Variants in SERPINB9 observed in about 807,000 individuals in gnomAD.
SERPINB9 encodes serpin family B member 9.
A neutral mutation model predicts 27.2 loss-of-function variants in SERPINB9; 20 were observed. That is an observed-to-expected ratio of 0.74 (90% confidence interval 0.52 to 1.07). The LOEUF (loss-of-function observed/expected upper bound fraction) is 1.07, where lower values mean the gene tolerates loss of function less well. SERPINB9 is among the 50% of genes least tolerant of loss of function. The pLI is 0.00. For missense variants in SERPINB9, 476 were observed against 460.1 expected (o/e 1.03, Z -0.32); for synonymous variants, 189 against 180.0 (o/e 1.05, Z -0.40).
Position 2,891,354 on chromosome 6 carries a change from C to T in SERPINB9, c.723+479G>A, listed in dbSNP as rs1014811287. On this transcript the variant is annotated intron_variant, in intron 6 of 6. Coordinates refer to ENST00000380698, the MANE Select transcript of SERPINB9 (RefSeq NM_004155.6). This position sits in a 1 kb window ranked among gnomAD's most constrained non-coding sequence, Gnocchi z 4.0. ...ATTTCAGGTTCCTAGACTTTAAAAG[C>T]ATAATGCTAAGAATGATGATTGTAA... Among the ~76,000 whole-genome samples the T allele has an allele frequency of 3.9e-5, 6 of 152,160 alleles. No individual in the cohort carries two copies. Among genetic ancestry groups the T allele is most frequent in the African/African-American group, 1.2e-4 (5 of 41,422 alleles).
Position 2,891,940 on chromosome 6 carries a change from G to C in SERPINB9, c.616C>G (p.Leu206Val). The C allele has an allele frequency of 6.2e-7, 1 of 1,613,376 alleles. No homozygotes were observed. The change falls in exon 6 of 7, where the codon CTC becomes GTC. Residue 206 changes from leucine to valine, a missense_variant. Transcript: ENST00000380698. The surrounding 1 kb of genome is among the most constrained non-coding windows in gnomAD (Gnocchi z 4.0). ...QMMYQEATFK[L>V]AHVGEVRAQL... ...GCGCGCACCTCGCCCACGTGGGCGA[G>C]CTTAAACGTGGCCTCCTGATACATC...
chr6:2,891,756 A>G lies in SERPINB9; in HGVS notation c.723+77T>C. 3 of 1,487,154 alleles carry G rather than the reference A, an allele frequency of 2.0e-6. No individual in the cohort carries two copies. The highest frequency in any genetic ancestry group is 2.7e-6 in the Non-Finnish European group (3 of 1,115,738). The allele number at this position is 1,487,154 out of a possible 1,614,324, so 92.1% of individuals were successfully genotyped here. A position where few individuals can be genotyped will look rare whatever the true frequency, so the allele number is the denominator to read the frequency against. On this transcript the variant is annotated intron_variant, in intron 6 of 6. Transcript: ENST00000380698. The surrounding 1 kb of genome is among the most constrained non-coding windows in gnomAD (Gnocchi z 4.0). The stretch of plus-strand genomic sequence containing the variant: ...TGCCGCATCGCCAACTCAGAAGGTG[A>G]ATATGAGAGGTGGAAGTGGCACTCG...
In SERPINB9 at chr6:2,891,321, C is replaced by T. The variant is rs74723929; in HGVS notation, c.723+512G>A. Among the ~76,000 whole-genome samples the T allele has an allele frequency of 3.5e-3, 537 of 152,314 alleles. 12 individuals carry two copies. Among genetic ancestry groups the T allele is most frequent in the Admixed American group, 0.032 (491 of 15,292 alleles). ...TGTTAGGTCAAAGTTAAGACTTCCT[C>T]ATTCTCTATTTCAGGTTCCTAGACT... On this transcript the variant is annotated intron_variant, in intron 6 of 6. Transcript: ENST00000380698. This position sits in a 1 kb window ranked among gnomAD's most constrained non-coding sequence, Gnocchi z 4.0.
chr6:2,896,044 T>C lies in SERPINB9; in HGVS notation c.306+9A>G. 1 of 1,610,662 alleles carries C rather than the reference T, an allele frequency of 6.2e-7. No homozygotes were observed. On this transcript the variant is annotated intron_variant, in intron 3 of 6. Transcript: ENST00000380698. The stretch of plus-strand genomic sequence containing the variant: ...ATGCAACTTTTATTGTTCTATTGAT[T>C]CAACTTACTGAGAGGAACTGACAAG...
intron 1 of SERPINB9, among the ~76,000 whole-genome samples, chr6:2,902,012 G>C (rs937476558): frequency 6.6e-6 from 1 of 152,036 alleles, no homozygotes; most frequent in Non-Finnish European, 1.5e-5. Context: ...AATCTCCCAG[G>C]GGCCCTTAGG....
intron 1 of SERPINB9, among the ~76,000 whole-genome samples, chr6:2,900,828 G>A (rs2113618264): frequency 6.6e-6 from 1 of 151,450 alleles, no homozygotes; most frequent in East Asian, 2.0e-4. Context: ...TGTGGTGATG[G>A]CAGCAGCTCA....
At position 2,891,059 on chromosome 6, in the gene SERPINB9, T is replaced by C. The variant is rs967078632; in HGVS notation, c.724-489A>G. ...TTATCTGCCCCAGAGAGATTCTGCA[T>C]AGTTTCCGGAGCATAGTTTCAGGAA... On this transcript the variant is annotated intron_variant, in intron 6 of 6. Transcript: ENST00000380698. The surrounding 1 kb of genome is among the most constrained non-coding windows in gnomAD (Gnocchi z 4.0). Among the ~76,000 whole-genome samples, 1 of 152,186 alleles carries C rather than the reference T, an allele frequency of 6.6e-6. No individual in the cohort carries two copies. Among genetic ancestry groups the C allele is most frequent in the South Asian group, 2.1e-4 (1 of 4,826 alleles).
rs1461668534 is a variant in SERPINB9, at chr6:2,890,477, T to C, written c.817A>G (p.Lys273Glu). 1 of 1,614,158 alleles carries C rather than the reference T, an allele frequency of 6.2e-7. No individual in the cohort carries two copies. Among genetic ancestry groups the C allele is most frequent in the Admixed American group, 1.7e-5 (1 of 60,022 alleles). ...TCCATGTCATAATCCTCTTGTAGTT[T>C]AAATTTTGGAAGGAGAACTTCAACC... The part of the protein sequence containing the change: ...TEVEVLLPKF[K>E]LQEDYDMESV... Residue 273 changes from lysine to glutamate, a missense_variant, in exon 7 of 7, where the codon AAA (lysine) becomes GAA (glutamate). Transcript: ENST00000380698. The surrounding 1 kb of genome is among the most constrained non-coding windows in gnomAD (Gnocchi z 6.2).
At position 2,893,519 on chromosome 6, in the gene SERPINB9, A is replaced by G; in HGVS notation, c.459T>C (p.Ile153=). The G allele has an allele frequency of 6.2e-7, 1 of 1,612,904 alleles. No individual in the cohort carries two copies. The highest frequency in any genetic ancestry group is 8.5e-7 in the Non-Finnish European group (1 of 1,179,322). ...CAAGAACCAGCCTGGTTTCTGCATC[A>G]ATTGAGCTACCCGGCAACAACTCTT... ...KIEELLPGSS[I]DAETRLVLVN... Residue 153 remains isoleucine, a synonymous_variant, in exon 5 of 7, where the codon ATT becomes ATC. Coordinates refer to ENST00000380698, the MANE Select transcript of SERPINB9 (RefSeq NM_004155.6).
intron 1 of SERPINB9, among the ~76,000 whole-genome samples, chr6:2,902,264 A>G (rs959024623): frequency 3.3e-5 from 5 of 152,070 alleles, no homozygotes; most frequent in African/African-American, 1.2e-4. Flanking sequence ...ACCCTGGAGG[A>G]GGTTCTCTTG....
In SERPINB9 at chr6:2,894,700, G is replaced by A. The variant is rs1459897739; in HGVS notation, c.424+691C>T. On this transcript the variant is annotated intron_variant, in intron 4 of 6. Coordinates refer to ENST00000380698, the MANE Select transcript of SERPINB9 (RefSeq NM_004155.6). This position sits in a 1 kb window ranked among gnomAD's most constrained non-coding sequence, Gnocchi z 4.7. Reference sequence around the variant, plus strand: ...ATGTGAATGTTACAGGCCAGGGAGAGTATATTTTAATGCAAGTTATTAAAC... The same window carrying A: ...ATGTGAATGTTACAGGCCAGGGAGAATATATTTTAATGCAAGTTATTAAAC... 6.6e-6 allele frequency among the ~76,000 whole-genome samples: 1 copy of A among 152,204 alleles called. No homozygotes were observed. Among genetic ancestry groups the A allele is most frequent in the African/African-American group, 2.4e-5 (1 of 41,452 alleles).
Position 2,891,863 on chromosome 6 carries a change from C to G in SERPINB9, c.693G>C (p.Leu231=). The change falls in exon 6 of 7, where the codon CTG becomes CTC. Residue 231 remains leucine, a synonymous_variant. Coordinates refer to ENST00000380698, the MANE Select transcript of SERPINB9 (RefSeq NM_004155.6). This position sits in a 1 kb window ranked among gnomAD's most constrained non-coding sequence, Gnocchi z 4.0. ...TGAGCTCCACGCCGTCGTCAGGCAG[C>G]AGCACCAGCAGGCTCAGCTCCTTCC... ...YARKELSLLV[L]LPDDGVELST... 6.2e-7 allele frequency: 1 copy of G among 1,609,506 alleles called. No homozygotes were observed. Among genetic ancestry groups the G allele is most frequent in the Non-Finnish European group, 8.5e-7 (1 of 1,179,284 alleles).
rs1323485422 is a variant in SERPINB9 at position 2,887,285 on chromosome 6, A to T, written c.*2878T>A. ...CTAGATTTGATTATAGAGGAAAACA[A>T]AACACTGTTTATTAATGAAACATCA... On this transcript the variant is annotated 3_prime_UTR_variant, in exon 7 of 7. Transcript: ENST00000380698. The T allele has an allele frequency of 1.4e-5, 2 of 145,188 alleles. No individual in the cohort carries two copies. Among genetic ancestry groups the T allele is most frequent in the African/African-American group, 2.5e-5 (1 of 40,796 alleles). The allele number at this position is 145,188 out of a possible 1,614,324, so 9.0% of individuals were successfully genotyped here.
chr6:2,901,052 A>G (rs1489139835), intron 1 of SERPINB9, among the ~76,000 whole-genome samples: 1 of 152,224 alleles, frequency 6.6e-6, no homozygotes, highest in Non-Finnish European at 1.5e-5. Context: ...GAGATTTTCA[A>G]CTGGGCACCA....
rs778105480 is a variant in SERPINB9 at position 2,900,616 on chromosome 6, C to T, written c.-5G>A. 1.2e-6 allele frequency: 2 copies of T among 1,613,560 alleles called. No individual in the cohort carries two copies. The highest frequency in any genetic ancestry group is 1.7e-6 in the Non-Finnish European group (2 of 1,179,616). On this transcript the variant is annotated 5_prime_UTR_variant, in exon 2 of 7. Coordinates refer to ENST00000380698, the MANE Select transcript of SERPINB9 (RefSeq NM_004155.6). ...TGCATTAGAAAGAGTTTCCATGATG[C>T]AGGGCCTGGAAGGGAAGAATAAAGA...
At chr6:2,893,804 A>G (rs893599028) in intron 4 of SERPINB9, among the ~76,000 whole-genome samples, 5 of 152,164 alleles carry the variant, frequency 3.3e-5, no homozygotes, top group Admixed American at 6.5e-5. Flanking sequence ...TACAAAGTAG[A>G]AAAATTACAC....
intron 1 of SERPINB9, 105 bp from the exon 2 acceptor site, chr6:2,900,726 A>G (rs1768169673): frequency 9.7e-7 from 1 of 1,029,284 alleles, no homozygotes; most frequent in South Asian, 1.6e-5. Flanking sequence ...TTTTCTTCTT[A>G]AAGTTCGTAA....
In SERPINB9 at chr6:2,894,132, T is replaced by C. The variant is rs1224818894; in HGVS notation, c.425-579A>G. Among the ~76,000 whole-genome samples the C allele has an allele frequency of 2.0e-5, 3 of 152,058 alleles. No individual in the cohort carries two copies. The highest frequency in any genetic ancestry group is 4.8e-5 in the African/African-American group (2 of 41,394). On this transcript the variant is annotated intron_variant, in intron 4 of 6. Coordinates refer to ENST00000380698, the MANE Select transcript of SERPINB9 (RefSeq NM_004155.6). The surrounding 1 kb of genome is among the most constrained non-coding windows in gnomAD (Gnocchi z 4.7). The stretch of plus-strand genomic sequence containing the variant: ...CCTTCTTTCCCTGGAGATCAAGTGG[T>C]ACTGTTTCAATGAACTGAGGGCATC...
chr6:2,894,266 T>A lies in SERPINB9; in HGVS notation c.425-713A>T, dbSNP rs1467890421. Among the ~76,000 whole-genome samples, 1 of 152,174 alleles carries A rather than the reference T, an allele frequency of 6.6e-6. No homozygotes were observed. Among genetic ancestry groups the A allele is most frequent in the African/African-American group, 2.4e-5 (1 of 41,442 alleles). The stretch of plus-strand genomic sequence containing the variant: ...GAAGAACGTCTCCCATTCTTTACCG[T>A]CTCATTTATTCACAGAAATGGAAAT... On this transcript the variant is annotated intron_variant, in intron 4 of 6. Coordinates refer to ENST00000380698, the MANE Select transcript of SERPINB9 (RefSeq NM_004155.6). The surrounding 1 kb of genome is among the most constrained non-coding windows in gnomAD (Gnocchi z 4.7).
Sources: allele counts gnomAD v4.1 joint callset (sites outside exome capture counted in the v4.1 genomes callset), GRCh38; gene constraint gnomAD v4.1.1; non-coding constraint Gnocchi (gnomAD v3.1); transcripts MANE v1.5; gene names NCBI Gene and HGNC (gene_info 2026-07-23, HGNC 2026-07-21).